CFAP77: variants seen among roughly 807,000 people sequenced by gnomAD.
The protein encoded by CFAP77 is cilia- and flagella-associated protein 77.
A neutral mutation model predicts 31.1 loss-of-function variants in CFAP77; 25 were observed. The observed-to-expected ratio is 0.80, with a 90% CI of 0.59 to 1.12. The LOEUF (loss-of-function observed/expected upper bound fraction) is 1.12. Among genes scored for constraint, CFAP77 ranks in the 50% most tolerant of loss-of-function variants. The pLI, the probability that CFAP77 is intolerant of heterozygous loss-of-function variation, is 0.00. For missense variants in CFAP77, 377 were observed against 397.3 expected (o/e 0.95, Z 0.44); for synonymous variants, 151 against 159.9 (o/e 0.94, Z 0.42).
rs771734466 is a variant in CFAP77 at position 132,517,989 on chromosome 9, G to A, written c.524+18389G>A. On this transcript the variant is annotated intron_variant, in intron 3 of 5. Transcript: ENST00000393216. The surrounding 1 kb of genome is among the most constrained non-coding windows in gnomAD (Gnocchi z 4.7). ...GCTTTATGGGACTGAGTTTTGACCC[G>A]GTTTTGTTGCTAGTGGGCGCGTCCG... is the stretch of plus-strand genomic sequence containing the variant. Among the ~76,000 whole-genome samples the A allele has an allele frequency of 2.0e-5, 3 of 152,072 alleles. No homozygotes were observed. Among genetic ancestry groups the A allele is most frequent in the South Asian group, 2.1e-4 (1 of 4,824 alleles).
At chr9:132,532,549 A>G (rs1325028177) in intron 3 of CFAP77, among the ~76,000 whole-genome samples, 1 of 152,210 alleles carries the variant, frequency 6.6e-6, no homozygotes, top group Non-Finnish European at 1.5e-5. Flanking sequence ...AGTGTTGACA[A>G]TGATTTCAAA....
chr9:132,572,486 G>C lies in CFAP77; in HGVS notation c.831G>C (p.Arg277=), dbSNP rs149401840. 58 of 1,608,558 alleles carry C rather than the reference G, an allele frequency of 3.6e-5. No individual in the cohort carries two copies. The African/African-American group carries it at 6.0e-4, about 17-fold the overall frequency. Residue 277 remains arginine (R), a synonymous_variant, in exon 6 of 6, where the codon CGG becomes CGC. Coordinates refer to ENST00000393216, the MANE Select transcript of CFAP77 (RefSeq NM_001282957.2). ...EECAVRQGTL[R]MGNYTHP Reference sequence around the variant, plus strand: ...GTGCCGTGCGCCAGGGGACCCTGCGGATGGGCAACTACACCCACCCCTAGC... The same window carrying C: ...GTGCCGTGCGCCAGGGGACCCTGCGCATGGGCAACTACACCCACCCCTAGC...
chr9:132,454,236 T>A (rs1022297952), intron 1 of CFAP77, among the ~76,000 whole-genome samples: 1 of 152,108 alleles, frequency 6.6e-6, no homozygotes, highest in Non-Finnish European at 1.5e-5. Context: ...AAAGAGTTTA[T>A]CAATATTTCA....
chr9:132,446,955 A>T (rs551698045), intron 1 of CFAP77, among the ~76,000 whole-genome samples: 27 of 152,136 alleles, frequency 1.8e-4, no homozygotes, highest in Admixed American at 5.2e-4. Flanking sequence ...GGGTCTCCCT[A>T]TGTTGCCCAG....
intron 1 of CFAP77, among the ~76,000 whole-genome samples, chr9:132,489,328 T>C (rs1252737353): frequency 6.6e-6 from 1 of 152,176 alleles, no homozygotes; most frequent in Non-Finnish European, 1.5e-5. Flanking sequence ...GGGGATACCA[T>C]GGCCTCCCTT....
intron 3 of CFAP77, among the ~76,000 whole-genome samples, chr9:132,514,616 G>A (rs971558854): frequency 2.0e-5 from 3 of 152,090 alleles, no homozygotes; most frequent in Non-Finnish European, 4.4e-5. Context: ...GCCTGCACCG[G>A]TGCCGGAACT....
intron 5 of CFAP77, among the ~76,000 whole-genome samples, chr9:132,567,111 T>A (rs938375682): frequency 6.6e-6 from 1 of 152,170 alleles, no homozygotes; most frequent in Non-Finnish European, 1.5e-5. Flanking sequence ...AGATTCCAGT[T>A]GGAATGGGAT....
intron 3 of CFAP77, among the ~76,000 whole-genome samples, chr9:132,532,552 AT>A (rs1295510037): frequency 6.6e-6 from 1 of 152,192 alleles, no homozygotes; most frequent in Non-Finnish European, 1.5e-5. Context: ...GTTGACAATG[AT>A]TTCAAAGTTT....
At chr9:132,521,742 G>A (rs981130834) in intron 3 of CFAP77, among the ~76,000 whole-genome samples, 2 of 138,234 alleles carry the variant, frequency 1.4e-5, no homozygotes, top group African/African-American at 5.4e-5. Context: ...GTTGTGCTGA[G>A]AAAGACAGAA....
chr9:132,410,339 G>T lies in CFAP77; in HGVS notation c.68G>T (p.Arg23Leu), dbSNP rs372053390. ...AGGAAGCAGCAGCAGCCTGTGCGCC[G>T]CACGGTCAGCCAGGTCTGCCCGCCC... ...RWRKQQQPVRRTVSQVCPPPR... is the reference protein window; with the variant it reads ...RWRKQQQPVRLTVSQVCPPPR... Residue 23 changes from arginine to leucine, a missense_variant, in exon 1 of 6, where the codon CGC becomes CTC. Coordinates refer to ENST00000393216, the MANE Select transcript of CFAP77 (RefSeq NM_001282957.2). 5.9e-5 allele frequency: 95 copies of T among 1,597,124 alleles called. 1 individual carries two copies. The highest frequency in any genetic ancestry group is 1.7e-5 in the Admixed American group (1 of 58,694).
intron 1 of CFAP77, among the ~76,000 whole-genome samples, chr9:132,446,418 A>G (rs1379672949): frequency 1.3e-5 from 2 of 151,510 alleles, no homozygotes; most frequent in Non-Finnish European, 2.9e-5. Context: ...TTCACTCTTC[A>G]CCTAACTACC....
At chr9:132,561,959 A>C (rs561557094) in intron 5 of CFAP77, among the ~76,000 whole-genome samples, 9 of 152,266 alleles carry the variant, frequency 5.9e-5, no homozygotes, top group Admixed American at 3.9e-4. Context: ...CCAATGCCTC[A>C]TCTCCAGGTA....
intron 4 of CFAP77, among the ~76,000 whole-genome samples, chr9:132,538,340 G>A (rs1180751903): frequency 6.6e-6 from 1 of 152,202 alleles, no homozygotes; most frequent in Non-Finnish European, 1.5e-5. Context: ...GCCTGCACAG[G>A]GAAGTTTGAG....
intron 1 of CFAP77, among the ~76,000 whole-genome samples, chr9:132,443,452 C>T (rs1444052187): frequency 1.3e-5 from 2 of 152,200 alleles, no homozygotes; most frequent in African/African-American, 4.8e-5. Flanking sequence ...GGGGTTTCTC[C>T]ATGTTGGTCA....
intron 1 of CFAP77, among the ~76,000 whole-genome samples, chr9:132,421,055 T>A (rs1216230789): frequency 7.1e-6 from 1 of 141,756 alleles, no homozygotes; most frequent in African/African-American, 2.6e-5. Context: ...TCACCCAGGC[T>A]GGAGTGCAGT....
At position 132,480,925 on chromosome 9, in the gene CFAP77, T is replaced by G. The variant is rs1305490945; in HGVS notation, c.196-17770T>G. 1.3e-5 allele frequency among the ~76,000 whole-genome samples: 2 copies of G among 152,136 alleles called. No individual in the cohort carries two copies. The highest frequency in any genetic ancestry group is 2.9e-5 in the Non-Finnish European group (2 of 68,018). The stretch of plus-strand genomic sequence containing the variant: ...GCCCCCATTGTGGTCCGGGGGCCCC[T>G]GTTATCAAAACAAGCCACAGACAGT... On this transcript the variant is annotated intron_variant, in intron 1 of 5. Coordinates refer to ENST00000393216, the MANE Select transcript of CFAP77 (RefSeq NM_001282957.2). The surrounding 1 kb of genome is among the most constrained non-coding windows in gnomAD (Gnocchi z 5.8).
intron 5 of CFAP77, among the ~76,000 whole-genome samples, chr9:132,549,092 T>G (rs976181141): frequency 6.6e-6 from 1 of 152,154 alleles, no homozygotes; most frequent in Non-Finnish European, 1.5e-5. Flanking sequence ...AAGAAAAGGA[T>G]TTTCTTTCCC....
At position 132,572,933 on chromosome 9, in the gene CFAP77, C is replaced by A. The variant is rs433311; in HGVS notation, c.*423C>A. On this transcript the variant is annotated 3_prime_UTR_variant, in exon 6 of 6. Coordinates refer to ENST00000393216, the MANE Select transcript of CFAP77 (RefSeq NM_001282957.2). ...GCATGACAGTGACGTGCTTTGAAAG[C>A]CCTCATTTTCTATTCCAAACATGAG... 0.59 allele frequency: 99,179 copies of A among 168,732 alleles called. 29,956 individuals carry two copies. Among genetic ancestry groups the A allele is most frequent in the East Asian group, 0.91 (5,478 of 6,050 alleles). The allele number at this position is 168,732 out of a possible 1,614,324, so 10.5% of individuals were successfully genotyped here. A position where few individuals can be genotyped will look rare whatever the true frequency, so the allele number is the denominator to read the frequency against.
rs1850278324 is a variant in CFAP77 at position 132,424,344 on chromosome 9, G to A, written c.195+13878G>A. Among the ~76,000 whole-genome samples the A allele has an allele frequency of 2.0e-5, 3 of 152,296 alleles. No individual in the cohort carries two copies. In the South Asian group the frequency reaches 6.2e-4, roughly 32 times the overall value. ...TTGAACCAGGGAGGCAGAAGTTGCA[G>A]TGGGCTGAGATCGTGCCACTGCACT... On this transcript the variant is annotated intron_variant, in intron 1 of 5. Coordinates refer to ENST00000393216, the MANE Select transcript of CFAP77 (RefSeq NM_001282957.2). This position sits in a 1 kb window ranked among gnomAD's most constrained non-coding sequence, Gnocchi z 4.1.
Sources: gnomAD v4.1 joint callset for allele counts (sites outside exome capture counted in the v4.1 genomes callset) on GRCh38, gnomAD v4.1.1 for gene constraint, Gnocchi (gnomAD v3.1) non-coding constraint, MANE v1.5 for transcripts, NCBI Gene and HGNC (gene_info 2026-07-23, HGNC 2026-07-21) for gene names.